SLC38A10: variants seen among roughly 807,000 people sequenced by gnomAD.
SLC38A10 encodes the protein Sodium-coupled neutral amino acid transporter 10.
In SLC38A10, 53 loss-of-function variants were observed where a neutral mutation model predicts 81.0. The observed-to-expected ratio is 0.65, with a 90% CI of 0.53 to 0.82. SLC38A10 has a LOEUF of 0.82. Ranked by LOEUF, SLC38A10 falls within the 40% of genes least tolerant of loss-of-function variation. SLC38A10 has a pLI of 0.00. For synonymous variants in SLC38A10, 665 were observed against 655.3 expected (o/e 1.01, Z -0.23); for missense variants, 1,471 against 1,545.0 (o/e 0.95, Z 0.80).
intron 3 of SLC38A10, among the ~76,000 whole-genome samples, chr17:81,284,455 T>C (rs2063245061): frequency 6.6e-6 from 1 of 152,232 alleles, no homozygotes; most frequent in Non-Finnish European, 1.5e-5. Context: ...ATTCCCTAAT[T>C]TAGAAGCCTA....
intron 8 of SLC38A10, among the ~76,000 whole-genome samples, chr17:81,274,784 C>T (rs1433309826): frequency 6.6e-6 from 1 of 152,162 alleles, no homozygotes; most frequent in South Asian, 2.1e-4. Context: ...GTTCACTCTG[C>T]CACAAGGAGA....
rs2063103910 is a variant in SLC38A10 at position 81,270,349 on chromosome 17, T to C, written c.1131+569A>G. Among the ~76,000 whole-genome samples, 1 of 152,050 alleles carries C rather than the reference T, an allele frequency of 6.6e-6. No individual in the cohort carries two copies. The highest frequency in any genetic ancestry group is 2.1e-4 in the South Asian group (1 of 4,822). On this transcript the variant is annotated intron_variant, in intron 10 of 15. Transcript: ENST00000374759. The surrounding 1 kb of genome is among the most constrained non-coding windows in gnomAD (Gnocchi z 4.0). ...GTCTGCAATAGCAAGACTGGAGAGG[T>C]GAGTCCTTCGGAGACTGGGATTATG...
chr17:81,279,767 T>A lies in SLC38A10; in HGVS notation c.626+842A>T, dbSNP rs147476999. 3.5e-4 allele frequency: 55 copies of A among 156,466 alleles called. No homozygotes were observed. The East Asian group carries it at 8.2e-3, about 23-fold the overall frequency. 9.7% of individuals were successfully genotyped at this position (156,466 alleles called of 1,614,324 possible). A position where few individuals can be genotyped will look rare whatever the true frequency, so the allele number is the denominator to read the frequency against. On this transcript the variant is annotated intron_variant, in intron 6 of 15. Coordinates refer to ENST00000374759, the MANE Select transcript of SLC38A10 (RefSeq NM_001037984.3). ...AAAGGGCAACTGGTAACTAGGTACG[T>A]GGCGGAAGAATGCGGCTTCTGTCAC... is the stretch of plus-strand genomic sequence containing the variant.
Position 81,277,447 on chromosome 17 carries a change from C to T in SLC38A10, c.627-314G>A, listed in dbSNP as rs911831084. On this transcript the variant is annotated intron_variant, in intron 6 of 15. Transcript: ENST00000374759. The surrounding 1 kb of genome is among the most constrained non-coding windows in gnomAD (Gnocchi z 4.5). Reference sequence around the variant, plus strand: ...GAGTCAAAGCAGCCAGTTTACAGGGCAAGCAGCCGGAGGAGGCTGCTCAGA... The same window carrying T: ...GAGTCAAAGCAGCCAGTTTACAGGGTAAGCAGCCGGAGGAGGCTGCTCAGA... 6.6e-6 allele frequency among the ~76,000 whole-genome samples: 1 copy of T among 152,206 alleles called. No homozygotes were observed. The highest frequency in any genetic ancestry group is 2.4e-5 in the African/African-American group (1 of 41,454).
intron 10 of SLC38A10, among the ~76,000 whole-genome samples, chr17:81,269,577 G>A (rs1316764314): frequency 2.6e-5 from 4 of 152,182 alleles, no homozygotes; most frequent in African/African-American, 9.7e-5. Flanking sequence ...GAATGCCGGA[G>A]GACCTTTGGG....
At chr17:81,284,820 G>A (rs1283842658) in intron 3 of SLC38A10, 30 bp downstream of exon 3, 7 of 1,510,644 alleles carry the variant, frequency 4.6e-6, no homozygotes, top group African/African-American at 2.8e-5. Flanking sequence ...CGGGGGTGGG[G>A]GGCAAGCGCA....
At chr17:81,273,306 G>A (rs556969609) in intron 8 of SLC38A10, among the ~76,000 whole-genome samples, 1 of 152,250 alleles carries the variant, frequency 6.6e-6, no homozygotes, top group East Asian at 1.9e-4. Flanking sequence ...AGGACCCCCA[G>A]CTGTGGTCTC....
chr17:81,262,109 G>A lies in SLC38A10; in HGVS notation c.1132-1715C>T, dbSNP rs190270070. On this transcript the variant is annotated intron_variant, in intron 10 of 15. Transcript: ENST00000374759. Reference sequence around the variant, plus strand: ...AACCGGAACTCTCGCGAGGCTGCCCGATCTGTGTAGGGAGCAGGTGTGGAA... The same window carrying A: ...AACCGGAACTCTCGCGAGGCTGCCCAATCTGTGTAGGGAGCAGGTGTGGAA... Among the ~76,000 whole-genome samples, 37 of 152,334 alleles carry A rather than the reference G, an allele frequency of 2.4e-4. No homozygotes were observed. In the East Asian group the frequency reaches 4.0e-3, roughly 17 times the overall value.
At chr17:81,282,141 G>A in intron 5 of SLC38A10, 48 bp downstream of exon 5, 1 of 1,607,468 alleles carries the variant, frequency 6.2e-7, no homozygotes, top group Non-Finnish European at 8.5e-7. Flanking sequence ...GGAAAGAATG[G>A]GCCAGGAGCA....
rs1377048274 is a variant in SLC38A10, at chr17:81,274,986, A to C, written c.912+983T>G. Among the ~76,000 whole-genome samples the C allele has an allele frequency of 2.6e-5, 4 of 152,230 alleles. No homozygotes were observed. In the East Asian group the frequency reaches 7.7e-4, roughly 29 times the overall value. ...TGGTGGAGCGGTCATGGCCCACTGC[A>C]GCCTTGAACTCTTGGTTCAAGTGAT... is the stretch of plus-strand genomic sequence containing the variant. On this transcript the variant is annotated intron_variant, in intron 8 of 15. Transcript: ENST00000374759.
In SLC38A10 at chr17:81,265,741, C is replaced by T. The variant is rs1233051782; in HGVS notation, c.1131+5177G>A. On this transcript the variant is annotated intron_variant, in intron 10 of 15. Coordinates refer to ENST00000374759, the MANE Select transcript of SLC38A10 (RefSeq NM_001037984.3). The surrounding 1 kb of genome is among the most constrained non-coding windows in gnomAD (Gnocchi z 4.2). ...CACGCCGAGATGTGGCGCCACAGGCCCAGGGTACGGCCTTGCGGTGCTGAC... is the reference window on the plus strand; with the variant it reads ...CACGCCGAGATGTGGCGCCACAGGCTCAGGGTACGGCCTTGCGGTGCTGAC... 1.3e-5 allele frequency among the ~76,000 whole-genome samples: 2 copies of T among 152,232 alleles called. No individual in the cohort carries two copies. The highest frequency in any genetic ancestry group is 1.3e-4 in the Admixed American group (2 of 15,286).
chr17:81,260,704 C>A (rs1598387804), intron 10 of SLC38A10, among the ~76,000 whole-genome samples: 1 of 152,222 alleles, frequency 6.6e-6, no homozygotes, highest in Non-Finnish European at 1.5e-5. Context: ...GCCCTCCATG[C>A]CAGCTGGGGT....
chr17:81,272,997 G>A (rs983240705), intron 8 of SLC38A10, among the ~76,000 whole-genome samples: 33 of 152,180 alleles, frequency 2.2e-4, no homozygotes, highest in African/African-American at 6.0e-4. Context: ...GCACAGCGCC[G>A]CTCCTGACAA....
At chr17:81,256,340 C>A (rs2062972398) in intron 11 of SLC38A10, among the ~76,000 whole-genome samples, 3 of 152,238 alleles carry the variant, frequency 2.0e-5, no homozygotes. Flanking sequence ...ATCCCCAACC[C>A]CACATTCAAG....
rs751101208 is a variant in SLC38A10 at position 81,252,209 on chromosome 17, T to C, written c.1931A>G (p.Glu644Gly). 7 of 1,518,826 alleles carry C rather than the reference T, an allele frequency of 4.6e-6. No homozygotes were observed. Among genetic ancestry groups the C allele is most frequent in the East Asian group, 2.3e-5 (1 of 44,040 alleles). The allele number at this position is 1,518,826 out of a possible 1,614,324, so 94.1% of individuals were successfully genotyped here. Residue 644 changes from glutamate (E) to glycine (G), a missense_variant, in exon 13 of 16, where the codon GAG becomes GGG. Coordinates refer to ENST00000374759, the MANE Select transcript of SLC38A10 (RefSeq NM_001037984.3). ...CTGACACCCACCGTGGTCGCTGTCC[T>C]CTGCGGGCTGCCCTGTGTCCCCGGC... Reference protein sequence around the residue: ...NAAGDTGQPAEDSDHGGKPPL... With the variant: ...NAAGDTGQPAGDSDHGGKPPL...
chr17:81,253,564 A>ATCATCACCG lies in SLC38A10; in HGVS notation c.1289-333_1289-325dup, dbSNP rs978192791. ...AGTCCCCTCCATTACCATCACCTCC[A>ATCATCACCG]TCATCACCGTCATCACCGTCACCTC... On this transcript the variant is annotated intron_variant, in intron 11 of 15. Transcript: ENST00000374759. The surrounding 1 kb of genome is among the most constrained non-coding windows in gnomAD (Gnocchi z 4.1). Among the ~76,000 whole-genome samples the ATCATCACCG allele has an allele frequency of 6.6e-6, 1 of 151,716 alleles. No individual in the cohort carries two copies. Among genetic ancestry groups the ATCATCACCG allele is most frequent in the East Asian group, 1.9e-4 (1 of 5,188 alleles).
At chr17:81,284,917 C>T (rs779412556) in intron 2 of SLC38A10, 22 bp from the exon 3 acceptor site, 1 of 1,541,598 alleles carries the variant, frequency 6.5e-7, no homozygotes, top group South Asian at 1.2e-5. Flanking sequence ...GAAAAAGGAA[C>T]ACTCAATCCA....
Position 81,246,939 on chromosome 17 carries a change from G to T in SLC38A10, c.2188C>A (p.His730Asn), listed in dbSNP as rs754479093. 31 of 1,607,722 alleles carry T rather than the reference G, an allele frequency of 1.9e-5. No individual in the cohort carries two copies. The highest frequency in any genetic ancestry group is 2.6e-5 in the Non-Finnish European group (31 of 1,179,586). ...TGCCTCTGCTGGTGGATCTCCTTGT[G>T]CTGCTCCTCGATCACCGCCAGCAGC... ...EKLLAVIEEQHKEIHQQRQED... is the reference protein window; with the variant it reads ...EKLLAVIEEQNKEIHQQRQED... Residue 730 changes from histidine to asparagine, a missense_variant, in exon 15 of 16, where the codon CAC (histidine) becomes AAC (asparagine). Transcript: ENST00000374759.
At chr17:81,247,948 GTCT>G (rs1474157975) in intron 14 of SLC38A10, among the ~76,000 whole-genome samples, 7 of 123,824 alleles carry the variant, frequency 5.7e-5, no homozygotes, top group African/African-American at 2.0e-4. Flanking sequence ...AACAAAAGCT[GTCT>G]TTTTTTTTTT....
Sources: allele counts gnomAD v4.1 joint callset (sites outside exome capture counted in the v4.1 genomes callset), GRCh38; gene constraint gnomAD v4.1.1; non-coding constraint Gnocchi (gnomAD v3.1); transcripts MANE v1.5; gene names NCBI Gene and HGNC (gene_info 2026-07-23, HGNC 2026-07-21).